Variants in ALG14 observed in about 807,000 individuals in gnomAD.
The protein encoded by ALG14 is ALG14 UDP-N-acetylglucosaminyltransferase subunit.
In ALG14, 17 loss-of-function variants were observed where a neutral mutation model predicts 22.8. The observed-to-expected ratio is 0.75, with a 90% CI of 0.51 to 1.12. The LOEUF is 1.12. Ranked by LOEUF, ALG14 falls within the 50% of genes most tolerant of loss-of-function variation. The pLI, the probability that ALG14 is intolerant of heterozygous loss-of-function variation, is 0.00. For missense variants in ALG14, 288 were observed against 271.8 expected (o/e 1.06, Z -0.42); for synonymous variants, 89 against 103.7 (o/e 0.86, Z 0.86).
rs1031986300 is a variant in ALG14, at chr1:94,981,689, T to G, written c.*1387A>C. The G allele has an allele frequency of 1.2e-3, 180 of 150,888 alleles. 3 individuals carry two copies. The highest frequency in any genetic ancestry group is 4.2e-3 in the African/African-American group (172 of 41,314). The allele number at this position is 150,888 out of a possible 1,614,324, so 9.3% of individuals were successfully genotyped here. Reference sequence around the variant, plus strand: ...CTGTTTTTTATTTTGTTTTGTTTTTTTTTTTTTTGGCTGCTTTGTTAAAGA... The same window carrying G: ...CTGTTTTTTATTTTGTTTTGTTTTTGTTTTTTTTGGCTGCTTTGTTAAAGA... On this transcript the variant is annotated 3_prime_UTR_variant, in exon 4 of 4. Transcript: ENST00000370205.
chr1:95,039,123 G>A (rs1487968036), intron 2 of ALG14, among the ~76,000 whole-genome samples: 1 of 152,158 alleles, frequency 6.6e-6, no homozygotes, highest in East Asian at 1.9e-4. Context: ...TGTGGGTGTG[G>A]TTGGTGAAGG....
intron 2 of ALG14, among the ~76,000 whole-genome samples, chr1:95,029,146 G>C (rs1173201762): frequency 6.6e-6 from 1 of 152,176 alleles, no homozygotes; most frequent in Non-Finnish European, 1.5e-5. Flanking sequence ...TGGGTGGCTG[G>C]GGTTGTAGTC....
intron 2 of ALG14, among the ~76,000 whole-genome samples, chr1:95,062,660 T>C (rs184288839): frequency 9.1e-4 from 138 of 152,360 alleles, no homozygotes; most frequent in South Asian, 3.1e-3. Context: ...TAGTATTTCA[T>C]AGTGTATATG....
chr1:95,038,856 C>T (rs926802677), intron 2 of ALG14, among the ~76,000 whole-genome samples: 17 of 151,874 alleles, frequency 1.1e-4, no homozygotes, highest in Admixed American at 1.1e-3. Context: ...GTAGCCAGGA[C>T]TACAGGCATG....
chr1:95,045,215 A>G (rs539016645), intron 2 of ALG14, among the ~76,000 whole-genome samples: 1 of 152,232 alleles, frequency 6.6e-6, no homozygotes, highest in African/African-American at 2.4e-5. Context: ...TTTTGTTTCT[A>G]GATATAATTA....
At chr1:95,062,132 A>AT (rs776905844) in intron 2 of ALG14, 1 of 152,234 alleles carries the variant, frequency 6.6e-6, no homozygotes, top group Non-Finnish European at 1.5e-5. Context: ...AACGTAACAC[A>AT]TTGATAGAGA....
intron 1 of ALG14, among the ~76,000 whole-genome samples, chr1:95,071,624 T>C (rs1399047192): frequency 6.6e-6 from 1 of 152,220 alleles, no homozygotes; most frequent in Non-Finnish European, 1.5e-5. Flanking sequence ...TACACGATAG[T>C]GTTCTCTCAA....
intron 2 of ALG14, among the ~76,000 whole-genome samples, chr1:95,050,332 A>G (rs1674702856): frequency 6.6e-6 from 1 of 152,182 alleles, no homozygotes. Flanking sequence ...AACTTACACA[A>G]TTATAGTGCA....
At chr1:95,048,052 A>G (rs1229391029) in intron 2 of ALG14, among the ~76,000 whole-genome samples, 3 of 152,240 alleles carry the variant, frequency 2.0e-5, no homozygotes, top group African/African-American at 7.2e-5. Context: ...ATAACCACTC[A>G]TAGTCCTGCC....
chr1:95,059,854 A>C (rs1038901759), intron 2 of ALG14, among the ~76,000 whole-genome samples: 1 of 151,996 alleles, frequency 6.6e-6, no homozygotes, highest in African/African-American at 2.4e-5. Context: ...GCTAGTGGCT[A>C]CTATACTGGA....
chr1:95,071,542 A>T (rs1158579183), intron 1 of ALG14, among the ~76,000 whole-genome samples: 2 of 152,108 alleles, frequency 1.3e-5, no homozygotes, highest in Non-Finnish European at 2.9e-5. Flanking sequence ...GACTCTGTAT[A>T]AAAAAGAAAA....
chr1:94,981,609 A>G lies in ALG14; in HGVS notation c.*1467T>C, dbSNP rs1257805043. On this transcript the variant is annotated 3_prime_UTR_variant, in exon 4 of 4. Transcript: ENST00000370205. ...TAGATTTATATCATACTTATAAAGC[A>G]AAAGATTTAAGAGGAAAAAACCTAT... The G allele has an allele frequency of 1.3e-5, 2 of 151,576 alleles. No individual in the cohort carries two copies. Among genetic ancestry groups the G allele is most frequent in the Non-Finnish European group, 2.9e-5 (2 of 67,886 alleles). The allele number at this position is 151,576 out of a possible 1,614,324, so 9.4% of individuals were successfully genotyped here. A position where few individuals can be genotyped will look rare whatever the true frequency, so the allele number is the denominator to read the frequency against.
chr1:95,067,909 C>G (rs1239574474), intron 1 of ALG14, among the ~76,000 whole-genome samples: 1 of 152,300 alleles, frequency 6.6e-6, no homozygotes, highest in Middle Eastern at 3.4e-3. Context: ...TGTTCCTCCC[C>G]GCTTACTCAG....
At chr1:95,036,707 G>A (rs1410470192) in intron 2 of ALG14, among the ~76,000 whole-genome samples, 8 of 152,114 alleles carry the variant, frequency 5.3e-5, no homozygotes, top group Non-Finnish European at 8.8e-5. Context: ...GATTAAGGGC[G>A]TGAGCCACCG....
At chr1:95,006,706 C>T (rs1312328806) in intron 3 of ALG14, among the ~76,000 whole-genome samples, 3 of 152,220 alleles carry the variant, frequency 2.0e-5, no homozygotes, top group Admixed American at 1.3e-4. Context: ...ATGCTTTACC[C>T]GTATCTTCCC....
At chr1:95,023,126 AT>A (rs1673711620) in intron 3 of ALG14, among the ~76,000 whole-genome samples, 1 of 151,478 alleles carries the variant, frequency 6.6e-6, no homozygotes, top group Non-Finnish European at 1.5e-5. Flanking sequence ...CCCACCATCC[AT>A]GTCATCAACT....
rs567145487 is a variant in ALG14 at position 95,069,874 on chromosome 1, TCCA to T, written c.136+2886_136+2888del. On this transcript the variant is annotated intron_variant, in intron 1 of 3. Coordinates refer to ENST00000370205, the MANE Select transcript of ALG14 (RefSeq NM_144988.4). ...CCTAAAAATACTACTCTAATTTTAC[TCCA>T]CCTTTCTGTGTAAAAACTGGCCATA... Among the ~76,000 whole-genome samples, 1,397 of 152,268 alleles carry T rather than the reference TCCA, an allele frequency of 9.2e-3. 14 individuals carry two copies. The highest frequency in any genetic ancestry group is 0.015 in the Non-Finnish European group (987 of 68,024).
chr1:95,056,766 C>T (rs972381435), intron 2 of ALG14, among the ~76,000 whole-genome samples: 1 of 150,802 alleles, frequency 6.6e-6, no homozygotes, highest in Non-Finnish European at 1.5e-5. Flanking sequence ...ACATTAAAAT[C>T]TAAAACTTCT....
intron 2 of ALG14, among the ~76,000 whole-genome samples, chr1:95,041,282 A>T (rs956442929): frequency 6.6e-6 from 1 of 152,172 alleles, no homozygotes; most frequent in African/African-American, 2.4e-5. Context: ...ACACACTCAA[A>T]ACCATAACTA....
Sources: allele counts gnomAD v4.1 joint callset (sites outside exome capture counted in the v4.1 genomes callset), GRCh38; gene constraint gnomAD v4.1.1; transcripts MANE v1.5; gene names NCBI Gene and HGNC (gene_info 2026-07-23, HGNC 2026-07-21).